The following PQBP1 variants were observed in gnomAD, a reference collection of about 807,000 sequenced individuals.
The protein encoded by PQBP1 is polyglutamine-binding protein 1.
PQBP1 carries 3 observed loss-of-function variants against 20.9 expected under a neutral mutation model. That is an observed-to-expected ratio of 0.14 (90% CI 0.07 to 0.37). PQBP1 has a LOEUF of 0.37. PQBP1 is among the 10% of genes least tolerant of loss of function. PQBP1 has a pLI of 1.00. For synonymous variants in PQBP1, 83 were observed against 93.8 expected, an observed-to-expected ratio of 0.88 and a Z score of 0.67; for missense variants, 162 against 240.3, an observed-to-expected ratio of 0.67 and a Z score of 2.16.
rs1602329200 is a variant in PQBP1, at chrX:48,902,118, A to G, written c.292+76A>G. The G allele has an allele frequency of 2.5e-6, 3 of 1,209,186 alleles. No individual in the cohort carries two copies. In the East Asian group the frequency reaches 8.9e-5, roughly 36 times the overall value. On this transcript the variant is annotated intron_variant, in intron 4 of 6. Transcript: ENST00000447146. ...GAGAGGCCAAGTAGAATGATAGTGG[A>G]TCAGAGGGGCAGGTGAGACCAGGCG...
At chrX:48,901,407 G>A in intron 3 of PQBP1, 106 bp downstream of exon 3, 2 of 1,155,452 alleles carry the variant, frequency 1.7e-6, no homozygotes, top group Non-Finnish European at 2.3e-6. Context: ...GGTGGAGGGT[G>A]TTGGCATTAG....
At position 48,902,296 on chromosome X, in the gene PQBP1, G is replaced by A. The variant is rs781981660; in HGVS notation, c.356G>A (p.Arg119His). Reference sequence around the variant, plus strand: ...GACAGGGGCCATGACAAGTCGGACCGCAGCCATGAGAAACTAGACAGGGGC... The same window carrying A: ...GACAGGGGCCATGACAAGTCGGACCACAGCCATGAGAAACTAGACAGGGGC... ...KSDRGHDKSD[R>H]SHEKLDRGHD... The change falls in exon 5 of 7, where the codon CGC becomes CAC. Residue 119 changes from arginine (R) to histidine (H), a missense_variant. Physicochemically the swap from Arg to His is conservative, Grantham distance 29. Coordinates refer to ENST00000447146, the MANE Select transcript of PQBP1 (RefSeq NM_001032382.2). 1.6e-4 allele frequency: 195 copies of A among 1,209,269 alleles called. 1 individual carries two copies. Among genetic ancestry groups the A allele is most frequent in the Middle Eastern group, 2.3e-4 (1 of 4,374 alleles).
At chrX:48,898,603 T>C (rs1422979540) in intron 2 of PQBP1, 27 bp downstream of exon 2, 53 of 1,191,355 alleles carry the variant, frequency 4.4e-5, no homozygotes, top group Non-Finnish European at 5.5e-5. Flanking sequence ...CAGATGGTCC[T>C]AACACGTGCC....
Position 48,902,966 on chromosome X carries a change from C to G in PQBP1, c.680C>G (p.Ala227Gly). 1 of 1,199,832 alleles carries G rather than the reference C, an allele frequency of 8.3e-7. No individual in the cohort carries two copies. Among genetic ancestry groups the G allele is most frequent in the Non-Finnish European group, 1.1e-6 (1 of 889,807 alleles). ...WSTGLPKRNE[A>G]KTGADTTAAG... The stretch of plus-strand genomic sequence containing the variant: ...ACAGGACTCCCCAAGCGGAATGAGG[C>G]CAAGACTGGCGCTGACACCACAGCA... The change falls in exon 7 of 7, where the codon GCC becomes GGC. Residue 227 changes from alanine to glycine, a missense_variant. Coordinates refer to ENST00000447146, the MANE Select transcript of PQBP1 (RefSeq NM_001032382.2).
rs2063432222 is a variant in PQBP1, at chrX:48,902,345, C to T, written c.405C>T (p.His135=). 18 of 1,208,873 alleles carry T rather than the reference C, an allele frequency of 1.5e-5. No homozygotes were observed. Among genetic ancestry groups the T allele is most frequent in the Admixed American group, 2.2e-5 (1 of 45,623 alleles). The change falls in exon 5 of 7, where the codon CAC becomes CAT. Residue 135 remains histidine (H), a synonymous_variant. Transcript: ENST00000447146. ...GCCACGACAAGTCAGACCGGGGCCA[C>T]GACAAGTCTGACAGGGATCGAGAGC... The part of the protein sequence containing the change: ...DRGHDKSDRG[H]DKSDRDRERG...
intron 2 of PQBP1, among the ~76,000 whole-genome samples, chrX:48,899,973 G>A (rs1002454674): frequency 1.8e-5 from 2 of 111,973 alleles, no homozygotes; most frequent in Admixed American, 1.9e-4. Context: ...ATCCCAGGCC[G>A]GGCAGGGTGC....
intron 2 of PQBP1, 60 bp downstream of exon 2, chrX:48,898,636 G>A: frequency 1.8e-6 from 2 of 1,102,398 alleles, no homozygotes; most frequent in South Asian, 3.7e-5. Flanking sequence ...CACTTTTGTT[G>A]TTGATACTGA....
chrX:48,898,210 C>G, intron 1 of PQBP1, 128 bp downstream of exon 1: 1 of 972,700 alleles, frequency 1.0e-6, no homozygotes, highest in East Asian at 4.0e-5. Flanking sequence ...TTCTGAAGTG[C>G]GGAGGGGCCG....
chrX:48,898,347 G>T, intron 1 of PQBP1, 145 bp from the exon 2 acceptor site: 3 of 622,392 alleles, frequency 4.8e-6, no homozygotes, highest in Non-Finnish European at 8.0e-6. Context: ...ACATCTTTTA[G>T]TGCGTATGTT....
At position 48,900,033 on chromosome X, in the gene PQBP1, G is replaced by T. The variant is rs368807523; in HGVS notation, c.68-1157G>T. 1.3e-4 allele frequency among the ~76,000 whole-genome samples: 14 copies of T among 110,748 alleles called. No individual in the cohort carries two copies. The East Asian group carries it at 3.5e-3, about 27-fold the overall frequency. Reference sequence around the variant, plus strand: ...TGGGAGGCGGAGGTGGACGGATCACGAGGTCAGGAGATCGAGACCATTCTG... The same window carrying T: ...TGGGAGGCGGAGGTGGACGGATCACTAGGTCAGGAGATCGAGACCATTCTG... On this transcript the variant is annotated intron_variant, in intron 2 of 6. Transcript: ENST00000447146.
At chrX:48,898,197 C>T in intron 1 of PQBP1, 115 bp downstream of exon 1, 2 of 1,020,527 alleles carry the variant, frequency 2.0e-6, no homozygotes, top group South Asian at 4.3e-5. Flanking sequence ...TGGATGAGCC[C>T]ATTTCTGAAG....
In PQBP1 at chrX:48,902,448, C is replaced by T. The variant is rs781986555; in HGVS notation, c.508C>T (p.Arg170Trp). The T allele has an allele frequency of 9.9e-6, 12 of 1,208,345 alleles. No homozygotes were observed. Among genetic ancestry groups the T allele is most frequent in the Middle Eastern group, 2.3e-4 (1 of 4,351 alleles). Residue 170 changes from arginine to tryptophan, a missense_variant, in exon 5 of 7, where the codon CGG (arginine) becomes TGG (tryptophan). By Grantham distance (101) the Arg-to-Trp change is moderately radical. Transcript: ENST00000447146. ...GGACCGCGGGTATGACAAGGCAGAC[C>T]GGGAAGAGGGCAAAGAACGGCGCCA... is the stretch of plus-strand genomic sequence containing the variant. ...DRDRGYDKAD[R>W]EEGKERRHHR...
At chrX:48,901,561 C>T (rs1156249498) in intron 3 of PQBP1, 15 of 605,361 alleles carry the variant, frequency 2.5e-5, no homozygotes, top group South Asian at 2.5e-4. Context: ...TTATGGCAAC[C>T]TCCGCCTCGT....
chrX:48,902,306 G>A lies in PQBP1; in HGVS notation c.366G>A (p.Glu122=), dbSNP rs1557041381. Residue 122 remains glutamate, a synonymous_variant, in exon 5 of 7, where the codon GAG becomes GAA. Transcript: ENST00000447146. ...RGHDKSDRSH[E]KLDRGHDKSD... ...ATGACAAGTCGGACCGCAGCCATGA[G>A]AAACTAGACAGGGGCCACGACAAGT... 8.3e-7 allele frequency: 1 copy of A among 1,209,463 alleles called. No individual in the cohort carries two copies. Among genetic ancestry groups the A allele is most frequent in the African/African-American group, 1.8e-5 (1 of 56,999 alleles).
At position 48,903,039 on chromosome X, in the gene PQBP1, G is replaced by A. The variant is rs782687130; in HGVS notation, c.753G>A (p.Val251=). The A allele has an allele frequency of 8.3e-7, 1 of 1,208,336 alleles. No homozygotes were observed. The part of the protein sequence containing the change: ...QQRPYPSPGA[V]LRANAEASRT... ...GGCCGTATCCATCCCCAGGGGCTGT[G>A]CTCCGGGCCAATGCAGAGGCCTCCC... Residue 251 remains valine, a synonymous_variant, in exon 7 of 7, where the codon GTG becomes GTA. Transcript: ENST00000447146.
At chrX:48,901,860 T>A in intron 3 of PQBP1, 70 bp from the exon 4 acceptor site, 4 of 1,200,007 alleles carry the variant, frequency 3.3e-6, no homozygotes, top group Non-Finnish European at 4.5e-6. Flanking sequence ...AGGCAGAGAC[T>A]GGGGAGACAA....
At position 48,902,371 on chromosome X, in the gene PQBP1, G is replaced by A. The variant is rs35837994; in HGVS notation, c.431G>A (p.Arg144His). 2.3e-5 allele frequency: 28 copies of A among 1,208,395 alleles called. No individual in the cohort carries two copies. Among genetic ancestry groups the A allele is most frequent in the Non-Finnish European group, 2.7e-5 (24 of 894,425 alleles). The change falls in exon 5 of 7, where the codon CGT (arginine) becomes CAT (histidine). Residue 144 changes from arginine (R) to histidine (H), a missense_variant. Coordinates refer to ENST00000447146, the MANE Select transcript of PQBP1 (RefSeq NM_001032382.2). ...GHDKSDRDRERGYDKVDRERE... is the reference protein window; with the variant it reads ...GHDKSDRDREHGYDKVDRERE... ...GACAAGTCTGACAGGGATCGAGAGC[G>A]TGGCTATGACAAGGTAGACAGAGAG...
At position 48,901,525 on chromosome X, in the gene PQBP1, C is replaced by T. The variant is rs1602326609; in HGVS notation, c.179+224C>T. ...CGGAGTTTCACTCTTGTAGCCCGGG[C>T]TGGAGTGCAATGGTGTGATCTCGGC... On this transcript the variant is annotated intron_variant, in intron 3 of 6. Coordinates refer to ENST00000447146, the MANE Select transcript of PQBP1 (RefSeq NM_001032382.2). 9 of 793,182 alleles carry T rather than the reference C, an allele frequency of 1.1e-5. No individual in the cohort carries two copies. In the East Asian group the frequency reaches 3.3e-4, roughly 29 times the overall value. The allele number at this position is 793,182 out of a possible 1,213,427, so 65.4% of individuals were successfully genotyped here. A position where few individuals can be genotyped will look rare whatever the true frequency, so the allele number is the denominator to read the frequency against.
chrX:48,899,958 C>T (rs1461970009), intron 2 of PQBP1, among the ~76,000 whole-genome samples: 1 of 112,098 alleles, frequency 8.9e-6, no homozygotes, highest in African/African-American at 3.2e-5. Context: ...ATAAAATTGT[C>T]AATGATCCCA....
Sources: allele counts gnomAD v4.1 joint callset (sites outside exome capture counted in the v4.1 genomes callset), GRCh38; gene constraint gnomAD v4.1.1; transcripts MANE v1.5; gene names NCBI Gene and HGNC (gene_info 2026-07-23, HGNC 2026-07-21).